The following ZC3HC1 variants were observed in gnomAD, a reference collection of about 807,000 sequenced individuals.
ZC3HC1 encodes zinc finger C3HC-type containing 1.
A neutral mutation model predicts 61.9 loss-of-function variants in ZC3HC1; 38 were observed. The ratio of observed to expected loss-of-function variants is 0.61; its 90% confidence interval spans 0.47 to 0.81. The LOEUF (loss-of-function observed/expected upper bound fraction) is 0.81, where lower values mean the gene tolerates loss of function less well. ZC3HC1 is among the 30% of genes least tolerant of loss of function. The pLI is 0.00. For synonymous variants in ZC3HC1, 213 were observed against 229.9 expected (o/e 0.93, Z 0.67); for missense variants, 554 against 622.7 (o/e 0.89, Z 1.17).
chr7:130,042,128 C>T (rs1039353223), intron 2 of ZC3HC1, among the ~76,000 whole-genome samples: 1 of 151,738 alleles, frequency 6.6e-6, no homozygotes, highest in African/African-American at 2.4e-5. Flanking sequence ...CACGGCGACA[C>T]CTCATCTCTA....
chr7:130,037,328 C>T (rs1794468695), intron 4 of ZC3HC1, among the ~76,000 whole-genome samples: 1 of 152,134 alleles, frequency 6.6e-6, no homozygotes, highest in African/African-American at 2.4e-5. Flanking sequence ...CCTGTAGTCC[C>T]AGCTACTCGG....
chr7:130,023,471 T>C lies in ZC3HC1; in HGVS notation c.1233+40A>G, dbSNP rs527368494. 3.7e-6 allele frequency: 6 copies of C among 1,601,676 alleles called. No individual in the cohort carries two copies. The highest frequency in any genetic ancestry group is 5.1e-6 in the Non-Finnish European group (6 of 1,171,006). ...GCTGCCTAGGGAGGGCCCAATATGCTGTTTATGCTCAGCCACTGCTACATG... is the reference window on the plus strand; with the variant it reads ...GCTGCCTAGGGAGGGCCCAATATGCCGTTTATGCTCAGCCACTGCTACATG... On this transcript the variant is annotated intron_variant, in intron 8 of 9. Coordinates refer to ENST00000358303, the MANE Select transcript of ZC3HC1 (RefSeq NM_016478.5). This position sits in a 1 kb window ranked among gnomAD's most constrained non-coding sequence, Gnocchi z 4.2.
chr7:130,045,458 A>G (rs1467852306), intron 2 of ZC3HC1: 1 of 457,156 alleles, frequency 2.2e-6, no homozygotes, highest in African/African-American at 2.0e-5. Flanking sequence ...ATGTTGGAGT[A>G]GAGTATCCTC....
At chr7:130,027,063 G>C (rs894987747) in intron 5 of ZC3HC1, 1 of 151,830 alleles carries the variant, frequency 6.6e-6, no homozygotes, top group Non-Finnish European at 1.5e-5. Flanking sequence ...CTGAGCTCAA[G>C]CAATCCTCCC....
At chr7:130,024,605 G>T in intron 6 of ZC3HC1, 99 bp from the exon 7 acceptor site, 1 of 1,354,422 alleles carries the variant, frequency 7.4e-7, no homozygotes. Flanking sequence ...CCAATTTCTG[G>T]AACAGTCACC....
At chr7:130,047,202 C>T (rs541182320) in intron 2 of ZC3HC1, among the ~76,000 whole-genome samples, 22 of 152,186 alleles carry the variant, frequency 1.4e-4, no homozygotes, top group Non-Finnish European at 2.2e-4. Flanking sequence ...ACCTCGTAAT[C>T]CACTTGCCTC....
At chr7:130,048,189 G>A (rs1010434967) in intron 2 of ZC3HC1, among the ~76,000 whole-genome samples, 3 of 127,314 alleles carry the variant, frequency 2.4e-5, no homozygotes. Context: ...TTGCTCTGCT[G>A]CCAAGGCTGG....
intron 2 of ZC3HC1, among the ~76,000 whole-genome samples, chr7:130,048,456 G>A (rs1167056548): frequency 6.6e-6 from 1 of 152,102 alleles, no homozygotes; most frequent in Non-Finnish European, 1.5e-5. Flanking sequence ...GCTAAGCCAT[G>A]CCTGGATTCC....
chr7:130,022,304 AGTGGC>A lies in ZC3HC1; in HGVS notation c.1440+10_1440+14del, dbSNP rs1208086221. On this transcript the variant is annotated intron_variant, in intron 9 of 9. Coordinates refer to ENST00000358303, the MANE Select transcript of ZC3HC1 (RefSeq NM_016478.5). ...AGCAAGTGCTGCCCACACACAAGGC[AGTGGC>A]GTATCTCACCATGGAGTCCGTTTCA... The A allele has an allele frequency of 1.2e-6, 2 of 1,614,036 alleles. No individual in the cohort carries two copies. Among genetic ancestry groups the A allele is most frequent in the African/African-American group, 2.7e-5 (2 of 75,056 alleles).
chr7:130,040,878 T>A, intron 3 of ZC3HC1, 73 bp downstream of exon 3: 1 of 1,447,210 alleles, frequency 6.9e-7, no homozygotes, highest in South Asian at 1.5e-5. Flanking sequence ...AATGACCTTT[T>A]TTCCCCCCCC....
chr7:130,050,088 T>C (rs1795017772), intron 1 of ZC3HC1, among the ~76,000 whole-genome samples: 1 of 152,042 alleles, frequency 6.6e-6, no homozygotes, highest in Non-Finnish European at 1.5e-5. Flanking sequence ...CATTTATTTA[T>C]TTATTTAGAG....
chr7:130,025,790 C>A (rs965173901), intron 6 of ZC3HC1, among the ~76,000 whole-genome samples: 1 of 147,560 alleles, frequency 6.8e-6, no homozygotes, highest in African/African-American at 2.5e-5. Flanking sequence ...TGGCGTGAAC[C>A]CGGGAGGCGG....
chr7:130,028,882 C>T lies in ZC3HC1; in HGVS notation c.621+20G>A. 3.7e-6 allele frequency: 6 copies of T among 1,608,478 alleles called. No individual in the cohort carries two copies. The highest frequency in any genetic ancestry group is 5.1e-6 in the Non-Finnish European group (6 of 1,176,934). ...TGGCAACAACTGGAGGCCATTGCAG[C>T]CTAGTCAGGAAAAACTCACCATAGT... On this transcript the variant is annotated intron_variant, in intron 5 of 9. Transcript: ENST00000358303.
chr7:130,022,310 G>C lies in ZC3HC1; in HGVS notation c.1440+9C>G. ...TGCTGCCCACACACAAGGCAGTGGCGTATCTCACCATGGAGTCCGTTTCAG... is the reference window on the plus strand; with the variant it reads ...TGCTGCCCACACACAAGGCAGTGGCCTATCTCACCATGGAGTCCGTTTCAG... On this transcript the variant is annotated intron_variant, in intron 9 of 9. Coordinates refer to ENST00000358303, the MANE Select transcript of ZC3HC1 (RefSeq NM_016478.5). 6.2e-7 allele frequency: 1 copy of C among 1,614,018 alleles called. No individual in the cohort carries two copies. Among genetic ancestry groups the C allele is most frequent in the Non-Finnish European group, 8.5e-7 (1 of 1,180,024 alleles).
intron 5 of ZC3HC1, chr7:130,027,268 ATAGT>A: frequency 6.6e-6 from 1 of 152,270 alleles, no homozygotes; most frequent in African/African-American, 2.4e-5. Context: ...TCAGAGGTTA[ATAGT>A]TTCAGTCTAT....
intron 5 of ZC3HC1, among the ~76,000 whole-genome samples, chr7:130,028,424 C>A (rs1311386715): frequency 6.6e-6 from 1 of 151,924 alleles, no homozygotes; most frequent in Admixed American, 6.6e-5. Flanking sequence ...CGCCTGTAAT[C>A]CTAGCTACTC....
Position 130,051,213 on chromosome 7 carries a change from G to A in ZC3HC1, c.146+8C>T, listed in dbSNP as rs749777312. On this transcript the variant is annotated splice_region_variant and intron_variant, in intron 1 of 9. Transcript: ENST00000358303. ...AACGCCGGACCCAGGGTTAACTCGT[G>A]AACTCACGCGTCCACGCCTCCCTCT... The A allele has an allele frequency of 1.9e-6, 3 of 1,603,048 alleles. No homozygotes were observed. Among genetic ancestry groups the A allele is most frequent in the African/African-American group, 2.7e-5 (2 of 74,240 alleles).
At chr7:130,039,317 C>T in intron 4 of ZC3HC1, 147 bp downstream of exon 4, 1 of 697,498 alleles carries the variant, frequency 1.4e-6, no homozygotes. Flanking sequence ...GTACTCCAGC[C>T]TGGGCAACAA....
At chr7:130,039,110 C>A (rs1430030420) in intron 4 of ZC3HC1, among the ~76,000 whole-genome samples, 2 of 151,864 alleles carry the variant, frequency 1.3e-5, no homozygotes, top group Non-Finnish European at 2.9e-5. Context: ...TTTGGGAGGC[C>A]GAGACGGGCG....
Sources: allele counts gnomAD v4.1 joint callset (sites outside exome capture counted in the v4.1 genomes callset), GRCh38; gene constraint gnomAD v4.1.1; non-coding constraint Gnocchi (gnomAD v3.1); transcripts MANE v1.5; gene names NCBI Gene and HGNC (gene_info 2026-07-23, HGNC 2026-07-21).